Variants in ADGRG1 observed in about 807,000 individuals in gnomAD.
ADGRG1 encodes adhesion G protein-coupled receptor G1.
Under a neutral mutation model 73.5 loss-of-function variants are expected in ADGRG1, and 53 were observed. That is an observed-to-expected ratio of 0.72 (90% confidence interval 0.58 to 0.91). The LOEUF is 0.91. ADGRG1 is among the 40% of genes least tolerant of loss of function. ADGRG1 has a pLI of 0.00. For synonymous variants in ADGRG1, 394 were observed against 374.4 expected (o/e 1.05, Z -0.60); for missense variants, 795 against 871.8 (o/e 0.91, Z 1.11).
chr16:57,626,971 G>C (rs1052217601), upstream of ADGRG1: 10 of 985,562 alleles, frequency 1.0e-5, no homozygotes, highest in Non-Finnish European at 1.2e-5. Flanking sequence ...AGCCCCGGGA[G>C]AGAGCAGAGG....
chr16:57,647,596 T>A, intron 1 of ADGRG1: 1 of 364,960 alleles, frequency 2.7e-6, no homozygotes, highest in Non-Finnish European at 3.8e-6. Context: ...GGTGAGTAAC[T>A]AGCCCAAGGA....
At chr16:57,644,017 T>G in intron 1 of ADGRG1, 1 of 985,294 alleles carries the variant, frequency 1.0e-6, no homozygotes, top group Non-Finnish European at 1.2e-6. Flanking sequence ...TTAAAAAAGT[T>G]TGGAAACCGT....
chr16:57,625,381 C>A (rs562476270), upstream of ADGRG1, among the ~76,000 whole-genome samples: 1 of 152,124 alleles, frequency 6.6e-6, no homozygotes, highest in East Asian at 1.9e-4. Flanking sequence ...TCTTCAGGGA[C>A]GTTTCAGACA....
intron 1 of ADGRG1, chr16:57,629,994 G>A (rs986365823): frequency 2.0e-6 from 2 of 985,168 alleles, no homozygotes; most frequent in African/African-American, 3.5e-5. Flanking sequence ...TTGTAGCCTG[G>A]GGTCCACGGG....
exon 1 of ADGRG1, chr16:57,620,857 C>G (rs145354027): frequency 6.6e-6 from 1 of 152,342 alleles, no homozygotes; most frequent in Non-Finnish European, 1.5e-5. Context: ...AGGGAACTGT[C>G]GTGGAAGAAA....
chr16:57,632,616 C>T (rs1172300397), intron 1 of ADGRG1, among the ~76,000 whole-genome samples: 1 of 152,238 alleles, frequency 6.6e-6, no homozygotes, highest in Non-Finnish European at 1.5e-5. Context: ...ACCTGGACAC[C>T]AGTGGCGCTC....
At chr16:57,662,462 G>C (rs1432952231) in intron 13 of ADGRG1, among the ~76,000 whole-genome samples, 1 of 152,180 alleles carries the variant, frequency 6.6e-6, no homozygotes, top group Non-Finnish European at 1.5e-5. Context: ...CAGCAGCAGC[G>C]TTGTTAGGAG....
At chr16:57,630,275 C>G in intron 1 of ADGRG1, 2 of 730,388 alleles carry the variant, frequency 2.7e-6, no homozygotes, top group Non-Finnish European at 3.4e-6. Flanking sequence ...CATGGGCTGC[C>G]AAGTTGGCTC....
intron 8 of ADGRG1, 71 bp from the exon 9 acceptor site, chr16:57,656,443 T>C: frequency 6.3e-7 from 1 of 1,596,840 alleles, no homozygotes; most frequent in Non-Finnish European, 8.6e-7. Context: ...ACAGTCGTGC[T>C]TTTGGGGGTG....
intron 1 of ADGRG1, chr16:57,641,291 C>A: frequency 1.0e-6 from 1 of 985,254 alleles, no homozygotes; most frequent in Non-Finnish European, 1.2e-6. Flanking sequence ...CATGTACATT[C>A]CCTGGGCAGG....
At chr16:57,651,673 G>A (rs1428923570) in intron 3 of ADGRG1, 51 bp downstream of exon 3, 1 of 1,575,274 alleles carries the variant, frequency 6.3e-7, no homozygotes, top group African/African-American at 1.4e-5. Context: ...TCTAGAGGCA[G>A]GGAAGGCAAA....
upstream of ADGRG1, chr16:57,626,535 C>G (rs150284838): frequency 1.4e-5 from 13 of 962,894 alleles, no homozygotes; most frequent in Non-Finnish European, 1.6e-5. Flanking sequence ...CTGCAAAGTC[C>G]GACGGTGAGA....
chr16:57,631,103 C>T, intron 1 of ADGRG1: 2 of 955,436 alleles, frequency 2.1e-6, no homozygotes, highest in Non-Finnish European at 2.4e-6. Context: ...GTCCCAGTCT[C>T]TGGCTGCTGG....
At chr16:57,622,953 G>C (rs1197634652), upstream of ADGRG1, 2 of 985,326 alleles carry the variant, frequency 2.0e-6, no homozygotes, top group African/African-American at 3.5e-5. Context: ...GGGGGAGGGA[G>C]AACGTCTGTC....
chr16:57,656,017 G>GA (rs1191043526), intron 7 of ADGRG1, 25 bp downstream of exon 7: 1 of 1,613,902 alleles, frequency 6.2e-7, no homozygotes, highest in South Asian at 1.1e-5. Context: ...GCCATCAAGA[G>GA]AACAAGCGCC....
At chr16:57,637,772 C>T (rs1305872813) in intron 1 of ADGRG1, 3 of 893,736 alleles carry the variant, frequency 3.4e-6, no homozygotes, top group Non-Finnish European at 4.0e-6. Flanking sequence ...GACACCATCC[C>T]CTCAGCCCCA....
chr16:57,630,198 C>T (rs745415261), intron 1 of ADGRG1: 45 of 389,822 alleles, frequency 1.2e-4, no homozygotes, highest in East Asian at 1.6e-4. Context: ...AGGATAGCCC[C>T]GGGCAGCCTG....
chr16:57,660,707 A>G, intron 11 of ADGRG1, 61 bp from the exon 12 acceptor site: 1 of 1,454,388 alleles, frequency 6.9e-7, no homozygotes, highest in Non-Finnish European at 9.5e-7. Context: ...CCCTGAGGCC[A>G]GCAGGGAATG....
intron 10 of ADGRG1, chr16:57,658,803 T>G (rs1166623396): frequency 5.0e-6 from 1 of 198,882 alleles, no homozygotes; most frequent in Admixed American, 6.5e-5. Flanking sequence ...ACTTCACAGA[T>G]AGGCAAACTG....
Sources: gnomAD v4.1 joint callset for allele counts (sites outside exome capture counted in the v4.1 genomes callset) on GRCh38, gnomAD v4.1.1 for gene constraint, MANE v1.5 for transcripts, NCBI Gene and HGNC (gene_info 2026-07-23, HGNC 2026-07-21) for gene names.